The following MACC1 variants were observed in gnomAD, a reference collection of about 807,000 sequenced individuals.
MACC1 encodes the protein metastasis-associated in colon cancer protein 1.
In MACC1, 79 loss-of-function variants were observed where a neutral mutation model predicts 70.7. The ratio of observed to expected loss-of-function variants is 1.12; its 90% CI spans 0.93 to 1.35. The LOEUF (loss-of-function observed/expected upper bound fraction) is 1.35, where lower values mean the gene tolerates loss of function less well. Among genes scored for constraint, MACC1 ranks in the 40% most tolerant of loss-of-function variants. MACC1 has a pLI of 0.00. For synonymous variants in MACC1, 361 were observed against 347.2 expected, an observed-to-expected ratio of 1.04 and a Z score of -0.44; for missense variants, 1,106 against 978.1, an observed-to-expected ratio of 1.13 and a Z score of -1.74.
chr7:20,193,646 T>G (rs941089817), intron 1 of MACC1, among the ~76,000 whole-genome samples: 7 of 152,326 alleles, frequency 4.6e-5, no homozygotes, highest in Middle Eastern at 3.4e-3. Flanking sequence ...AGGGAATGAC[T>G]GCCATGCCCA....
chr7:20,145,111 A>T (rs181118041), intron 6 of MACC1, among the ~76,000 whole-genome samples: 27 of 152,328 alleles, frequency 1.8e-4, no homozygotes, highest in Admixed American at 1.8e-3. Context: ...GAATATTTAC[A>T]CTAAGAACAT....
At chr7:20,216,442 G>A (rs999014788) in intron 1 of MACC1, among the ~76,000 whole-genome samples, 2 of 151,748 alleles carry the variant, frequency 1.3e-5, no homozygotes, top group Non-Finnish European at 2.9e-5. Flanking sequence ...TTACATTATT[G>A]TACAGTCTCC....
At chr7:20,188,450 C>T (rs1398258464) in intron 1 of MACC1, among the ~76,000 whole-genome samples, 1 of 152,150 alleles carries the variant, frequency 6.6e-6, no homozygotes, top group Non-Finnish European at 1.5e-5. Context: ...TCTAGCATTA[C>T]AAGTGTATTT....
At chr7:20,178,602 T>C (rs896444475) in intron 1 of MACC1, among the ~76,000 whole-genome samples, 4 of 152,196 alleles carry the variant, frequency 2.6e-5, no homozygotes, top group Non-Finnish European at 5.9e-5. Context: ...TTAACCTTTT[T>C]GTTTTTGTTT....
At chr7:20,197,038 T>A (rs570600568) in intron 1 of MACC1, among the ~76,000 whole-genome samples, 1 of 152,334 alleles carries the variant, frequency 6.6e-6, no homozygotes, top group South Asian at 2.1e-4. Flanking sequence ...AACATTTACC[T>A]AGTGAGTGAC....
At chr7:20,212,526 TCTC>T (rs1211744578) in intron 1 of MACC1, among the ~76,000 whole-genome samples, 8 of 152,130 alleles carry the variant, frequency 5.3e-5, no homozygotes, top group Admixed American at 4.6e-4. Flanking sequence ...TCAGCTCTCT[TCTC>T]CTGGAAACTT....
At chr7:20,216,683 T>A (rs1783075712) in intron 1 of MACC1, among the ~76,000 whole-genome samples, 1 of 152,176 alleles carries the variant, frequency 6.6e-6, no homozygotes, top group South Asian at 2.1e-4. Flanking sequence ...CTCCATCATG[T>A]ATCATCTGTC....
At chr7:20,162,581 A>G (rs1782154634) in intron 3 of MACC1, among the ~76,000 whole-genome samples, 1 of 152,138 alleles carries the variant, frequency 6.6e-6, no homozygotes, top group African/African-American at 2.4e-5. Flanking sequence ...GAAGTGGAAC[A>G]TAAATATATG....
At chr7:20,209,810 T>A (rs758320022) in intron 1 of MACC1, among the ~76,000 whole-genome samples, 3 of 152,146 alleles carry the variant, frequency 2.0e-5, no homozygotes, top group Non-Finnish European at 4.4e-5. Context: ...ATCTTCCTAA[T>A]CCCCATGTGC....
chr7:20,213,160 A>C (rs965257978), intron 1 of MACC1, among the ~76,000 whole-genome samples: 3 of 152,242 alleles, frequency 2.0e-5, no homozygotes, highest in Non-Finnish European at 2.9e-5. Context: ...TGTGGCTACC[A>C]ATCATATGAA....
Position 20,160,185 on chromosome 7 carries a change from T to C in MACC1, c.176A>G (p.Asn59Ser), listed in dbSNP as rs1425887700. The part of the protein sequence containing the change: ...WPDAFTLRGN[N>S]ASKVANPFWN... ...GAATGGATTTGCAACTTTGGAAGCA[T>C]TATTACCACGAAGGGTGAAAGCATC... Residue 59 changes from asparagine to serine, a missense_variant, in exon 5 of 7, where the codon AAT becomes AGT. Physicochemically the swap from Asn to Ser is conservative, Grantham distance 46 (BLOSUM62 1). Transcript: ENST00000400331. 1 of 1,607,142 alleles carries C rather than the reference T, an allele frequency of 6.2e-7. No individual in the cohort carries two copies.
intron 6 of MACC1, among the ~76,000 whole-genome samples, chr7:20,148,224 G>C (rs1426326402): frequency 6.6e-6 from 1 of 152,144 alleles, no homozygotes; most frequent in Non-Finnish European, 1.5e-5. Context: ...CAAAGGAATG[G>C]ATGTAAATGT....
chr7:20,179,200 T>A (rs937164329), intron 1 of MACC1, among the ~76,000 whole-genome samples: 1 of 151,926 alleles, frequency 6.6e-6, no homozygotes, highest in Non-Finnish European at 1.5e-5. Flanking sequence ...CAGTGCTTTT[T>A]CTTTTCCATT....
At chr7:20,194,682 G>A (rs28684955) in intron 1 of MACC1, among the ~76,000 whole-genome samples, 12,107 of 152,206 alleles carry the variant, frequency 0.08, 539 homozygotes, top group Non-Finnish European at 0.1. Flanking sequence ...ATAAGGAAAG[G>A]CTGTCTTTCA....
At chr7:20,215,768 G>T (rs973156704) in intron 1 of MACC1, among the ~76,000 whole-genome samples, 3 of 152,114 alleles carry the variant, frequency 2.0e-5, no homozygotes, top group Admixed American at 6.6e-5. Context: ...AATGTCTTTT[G>T]TCCTCCAAAT....
rs1027730867 is a variant in MACC1 at position 20,159,219 on chromosome 7, T to A, written c.1142A>T (p.His381Leu). The change falls in exon 5 of 7, where the codon CAT (histidine) becomes CTT (leucine). Residue 381 changes from histidine to leucine, a missense_variant. Physicochemically the swap from His to Leu is moderately conservative, Grantham distance 99. Transcript: ENST00000400331. ...TGTTAAAACAACAGTAAAACTGGGA[T>A]GGATATATTTGGGTCCATAAATTCC... ...SIGIYGPKYIHPSFTVVLTVC... is the reference protein window; with the variant it reads ...SIGIYGPKYILPSFTVVLTVC... The A allele has an allele frequency of 1.9e-6, 3 of 1,613,898 alleles. No individual in the cohort carries two copies. Among genetic ancestry groups the A allele is most frequent in the South Asian group, 2.2e-5 (2 of 91,010 alleles).
At chr7:20,149,904 C>T (rs1781949807) in intron 6 of MACC1, among the ~76,000 whole-genome samples, 1 of 152,182 alleles carries the variant, frequency 6.6e-6, no homozygotes, top group Non-Finnish European at 1.5e-5. Context: ...TTATATAAGA[C>T]AACGTGAATT....
intron 1 of MACC1, among the ~76,000 whole-genome samples, chr7:20,178,950 G>C (rs1266339320): frequency 6.6e-6 from 1 of 151,948 alleles, no homozygotes; most frequent in Non-Finnish European, 1.5e-5. Flanking sequence ...CTTCAATCCT[G>C]AAAAACATTC....
At chr7:20,154,660 G>T (rs955931267) in intron 5 of MACC1, among the ~76,000 whole-genome samples, 1 of 152,032 alleles carries the variant, frequency 6.6e-6, no homozygotes, top group Non-Finnish European at 1.5e-5. Flanking sequence ...ATGTGTCTTT[G>T]TATCTTTAAT....
Sources: allele counts gnomAD v4.1 joint callset (sites outside exome capture counted in the v4.1 genomes callset), GRCh38; gene constraint gnomAD v4.1.1; transcripts MANE v1.5; gene names NCBI Gene and HGNC (gene_info 2026-07-23, HGNC 2026-07-21).